The following DENND5A variants were observed in gnomAD, a reference collection of about 807,000 sequenced individuals.
The protein encoded by DENND5A is DENN domain-containing protein 5A.
Under a neutral mutation model 140.3 loss-of-function variants are expected in DENND5A, and 64 were observed. The observed-to-expected ratio is 0.46, with a 90% confidence interval of 0.37 to 0.56. The LOEUF is 0.56. Ranked by LOEUF, DENND5A falls within the 20% of genes least tolerant of loss-of-function variation. DENND5A has a pLI of 0.00. For missense variants in DENND5A, 1,292 were observed against 1,593.8 expected (o/e 0.81, Z 3.22); for synonymous variants, 605 against 607.7 (o/e 1.00, Z 0.07).
At position 9,178,126 on chromosome 11, in the gene DENND5A, C is replaced by T. The variant is rs1432859187; in HGVS notation, c.1906+6G>A. 6.3e-7 allele frequency: 1 copy of T among 1,596,512 alleles called. No individual in the cohort carries two copies. Among genetic ancestry groups the T allele is most frequent in the East Asian group, 2.2e-5 (1 of 44,798 alleles). Reference sequence around the variant, plus strand: ...GCCTGAATGTACATTTCCAAGGAGGCCTTACCTGCTTCATCCACAGTGGTA... The same window carrying T: ...GCCTGAATGTACATTTCCAAGGAGGTCTTACCTGCTTCATCCACAGTGGTA... On this transcript the variant is annotated splice_donor_region_variant and intron_variant, in intron 8 of 22. Coordinates refer to ENST00000328194, the MANE Select transcript of DENND5A (RefSeq NM_015213.4).
chr11:9,244,107 C>T (rs561979151), intron 1 of DENND5A, among the ~76,000 whole-genome samples: 1 of 152,250 alleles, frequency 6.6e-6, no homozygotes, highest in Admixed American at 6.5e-5. Context: ...ATTAGTGCCC[C>T]TAACCCCCAA....
At chr11:9,190,559 T>G (rs11604607) in intron 5 of DENND5A, among the ~76,000 whole-genome samples, 9,009 of 152,252 alleles carry the variant, frequency 0.059, 374 homozygotes, top group South Asian at 0.11. Flanking sequence ...CCACCATGAT[T>G]GTGAGGCTTT....
rs2136217087 is a variant in DENND5A, at chr11:9,207,551, T to C, written c.181+10A>G. 1 of 1,609,600 alleles carries C rather than the reference T, an allele frequency of 6.2e-7. No individual in the cohort carries two copies. Among genetic ancestry groups the C allele is most frequent in the Non-Finnish European group, 8.5e-7 (1 of 1,176,306 alleles). On this transcript the variant is annotated intron_variant, in intron 2 of 22. Transcript: ENST00000328194. ...AGCTTTGGGTGTTCTCAATTTTGTT[T>C]TGTTTTTACCTTCAGTCGTACTTGA...
In DENND5A at chr11:9,165,983, A is replaced by C. The variant is rs755566721; in HGVS notation, c.2152-16T>G. On this transcript the variant is annotated splice_polypyrimidine_tract_variant and intron_variant, in intron 10 of 22. Transcript: ENST00000328194. The stretch of plus-strand genomic sequence containing the variant: ...GGATGTACTTCTATATCAAACAGAA[A>C]AATAAAGACCCTTTGTGTCCATGTA... The C allele has an allele frequency of 2.9e-5, 47 of 1,613,894 alleles. No homozygotes were observed. In the Admixed American group the frequency reaches 7.8e-4, roughly 27 times the overall value.
At chr11:9,208,354 T>C (rs886372007) in intron 1 of DENND5A, among the ~76,000 whole-genome samples, 1 of 152,226 alleles carries the variant, frequency 6.6e-6, no homozygotes, top group Non-Finnish European at 1.5e-5. Context: ...GTTGACAGAA[T>C]AAATTCTGTT....
At chr11:9,227,165 T>C (rs1001873927) in intron 1 of DENND5A, among the ~76,000 whole-genome samples, 3 of 146,656 alleles carry the variant, frequency 2.0e-5, no homozygotes, top group African/African-American at 7.6e-5. Context: ...TGAAACTCCA[T>C]CTCAAAATAA....
intron 1 of DENND5A, among the ~76,000 whole-genome samples, chr11:9,250,969 T>G (rs1851693240): frequency 6.6e-6 from 1 of 151,858 alleles, no homozygotes; most frequent in South Asian, 2.1e-4. Flanking sequence ...ACCCCCTCTC[T>G]ACTAAAAATA....
At chr11:9,179,119 T>G (rs1848642500) in intron 6 of DENND5A, 46 bp from the exon 7 acceptor site, 1 of 1,553,942 alleles carries the variant, frequency 6.4e-7, no homozygotes, top group Admixed American at 1.8e-5. Context: ...ACTTTTTCCT[T>G]TTAACCCAAG....
intron 10 of DENND5A, among the ~76,000 whole-genome samples, chr11:9,169,138 A>G (rs1848282884): frequency 6.6e-6 from 1 of 152,184 alleles, no homozygotes; most frequent in Non-Finnish European, 1.5e-5. Context: ...GTAGGAAAAA[A>G]ACTCTAACAA....
At chr11:9,252,026 G>C (rs1433033363) in intron 1 of DENND5A, among the ~76,000 whole-genome samples, 1 of 150,338 alleles carries the variant, frequency 6.7e-6, no homozygotes, top group Non-Finnish European at 1.5e-5. Context: ...CTGGCCAGGT[G>C]CAGTGGCTCA....
chr11:9,152,543 G>T, intron 12 of DENND5A, 101 bp from the exon 13 acceptor site: 1 of 805,540 alleles, frequency 1.2e-6, no homozygotes, highest in Non-Finnish European at 2.2e-6. Context: ...TATATGTACT[G>T]TTTCTTGTTT....
chr11:9,152,333 C>T (rs1357157953), intron 13 of DENND5A, 25 bp downstream of exon 13: 14 of 1,528,558 alleles, frequency 9.2e-6, no homozygotes, highest in Non-Finnish European at 1.3e-5. Context: ...AGAGGGCAGA[C>T]TCTCCATTGC....
intron 1 of DENND5A, among the ~76,000 whole-genome samples, chr11:9,229,854 G>C (rs1442802661): frequency 7.0e-6 from 1 of 142,600 alleles, no homozygotes; most frequent in Non-Finnish European, 1.5e-5. Context: ...CATAAAAACA[G>C]TTTTCCCTAG....
chr11:9,195,539 T>C (rs183118059), intron 4 of DENND5A, among the ~76,000 whole-genome samples: 20 of 152,324 alleles, frequency 1.3e-4, no homozygotes, highest in Admixed American at 1.3e-3. Context: ...AATGATGTTA[T>C]GCACTAAAAA....
Position 9,215,629 on chromosome 11 carries a change from C to A in DENND5A, c.110-7997G>T, listed in dbSNP as rs538263268. ...GTGGCACGAACTCAGCTCACTGCAA[C>A]CTCCACCTCCCAGGTTCAGGCAATT... On this transcript the variant is annotated intron_variant, in intron 1 of 22. Transcript: ENST00000328194. Among the ~76,000 whole-genome samples, 36 of 150,810 alleles carry A rather than the reference C, an allele frequency of 2.4e-4. No individual in the cohort carries two copies. In the South Asian group the frequency reaches 7.5e-3, roughly 32 times the overall value.
chr11:9,167,046 T>A (rs769996157), intron 10 of DENND5A, among the ~76,000 whole-genome samples: 1 of 152,092 alleles, frequency 6.6e-6, no homozygotes, highest in Non-Finnish European at 1.5e-5. Context: ...GAAAATAAGA[T>A]TGCACACTCA....
At chr11:9,230,049 C>T (rs61877903) in intron 1 of DENND5A, among the ~76,000 whole-genome samples, 3,132 of 150,700 alleles carry the variant, frequency 0.021, 55 homozygotes, top group Middle Eastern at 0.034. Flanking sequence ...GGTGGGACTA[C>T]AGGCGCCTGC....
At chr11:9,236,002 A>T (rs1850984261) in intron 1 of DENND5A, among the ~76,000 whole-genome samples, 2 of 152,166 alleles carry the variant, frequency 1.3e-5, no homozygotes. Context: ...GCACTTTGGG[A>T]GGACAAGACA....
rs1009817454 is a variant in DENND5A, at chr11:9,180,615, T to A, written c.1455+152A>T. On this transcript the variant is annotated intron_variant, in intron 6 of 22. Transcript: ENST00000328194. ...ATTTACTAGGATAACATCTGCCAGA[T>A]GGAATTCAGAGTCCCCCATACAGAA... is the stretch of plus-strand genomic sequence containing the variant. 8.2e-6 allele frequency: 6 copies of A among 730,390 alleles called. No homozygotes were observed. In the African/African-American group the frequency reaches 1.1e-4, roughly 13 times the overall value. 45.2% of individuals were successfully genotyped at this position (730,390 alleles called of 1,614,324 possible).
Sources: gnomAD v4.1 joint callset for allele counts (sites outside exome capture counted in the v4.1 genomes callset) on GRCh38, gnomAD v4.1.1 for gene constraint, MANE v1.5 for transcripts, NCBI Gene and HGNC (gene_info 2026-07-23, HGNC 2026-07-21) for gene names.